ESR1: variants seen among roughly 807,000 people sequenced by gnomAD.
ESR1 encodes estrogen receptor 1, also known as estrogen receptor.
In ESR1, 12 loss-of-function variants were observed where a neutral mutation model predicts 52.7. That is an observed-to-expected ratio of 0.23 (90% CI 0.15 to 0.37). The LOEUF is 0.37. Ranked by LOEUF, ESR1 falls within the 10% of genes least tolerant of loss-of-function variation. The probability of loss-of-function intolerance (pLI) is 1.00; values close to 1 mark genes in which losing one functional copy is unlikely to be tolerated. For missense variants in ESR1, 584 were observed against 779.7 expected (o/e 0.75, Z 2.99); for synonymous variants, 305 against 316.8 (o/e 0.96, Z 0.39).
intron 2 of ESR1, among the ~76,000 whole-genome samples, chr6:151,764,053 G>A (rs1279368049): frequency 6.6e-6 from 1 of 152,118 alleles, no homozygotes; most frequent in Non-Finnish European, 1.5e-5. Flanking sequence ...AGCAAAGCGC[G>A]GGGGTGTGGC....
chr6:152,062,437 C>T (rs906765672), intron 6 of ESR1, among the ~76,000 whole-genome samples: 2 of 152,200 alleles, frequency 1.3e-5, no homozygotes, highest in Admixed American at 6.5e-5. Flanking sequence ...GAAATCTGTA[C>T]TATTACACTA....
chr6:151,820,001 G>A (rs1780305339), intron 1 of ESR1, among the ~76,000 whole-genome samples: 1 of 152,186 alleles, frequency 6.6e-6, no homozygotes, highest in African/African-American at 2.4e-5. Context: ...ATGGTTGAGT[G>A]AGGGAGATGA....
chr6:151,927,703 T>G (rs1174408659), intron 3 of ESR1, among the ~76,000 whole-genome samples: 3 of 151,872 alleles, frequency 2.0e-5, no homozygotes, highest in Non-Finnish European at 2.9e-5. Flanking sequence ...TTTATGATAT[T>G]GGTAATTTAT....
chr6:152,088,561 GGGTTAATGGATCAA>G lies in ESR1; in HGVS notation c.1370-5823_1370-5810del. ...TGGTTGAAACCATTCACGGAATAACGGGTTAATGGATCAATGAGTTATCCCAGGAGTGGGACTGG... is the reference window on the plus strand; with the variant it reads ...TGGTTGAAACCATTCACGGAATAACGTGAGTTATCCCAGGAGTGGGACTGG... On this transcript the variant is annotated intron_variant, in intron 6 of 7. Transcript: ENST00000206249. Among the ~76,000 whole-genome samples the G allele has an allele frequency of 3.3e-5, 5 of 152,272 alleles. No homozygotes were observed. In the East Asian group the frequency reaches 9.6e-4, roughly 29 times the overall value.
intron 6 of ESR1, among the ~76,000 whole-genome samples, chr6:152,072,941 A>G (rs569560230): frequency 6.6e-6 from 1 of 152,352 alleles, no homozygotes; most frequent in East Asian, 1.9e-4. Context: ...AGCACCTTCT[A>G]GAAAAATCTT....
At chr6:151,900,048 G>C (rs1021332632) in intron 3 of ESR1, among the ~76,000 whole-genome samples, 5 of 152,236 alleles carry the variant, frequency 3.3e-5, no homozygotes, top group African/African-American at 1.2e-4. Flanking sequence ...GCAGGCTGCT[G>C]GGAGGTGGAG....
At chr6:151,987,854 T>C (rs1468949724) in intron 4 of ESR1, among the ~76,000 whole-genome samples, 1 of 152,188 alleles carries the variant, frequency 6.6e-6, no homozygotes, top group Admixed American at 6.5e-5. Flanking sequence ...CTTTTAACTT[T>C]TAAGCATCTA....
intron 2 of ESR1, among the ~76,000 whole-genome samples, chr6:151,864,414 T>G (rs1247639868): frequency 6.6e-6 from 1 of 151,920 alleles, no homozygotes; most frequent in African/African-American, 2.4e-5. Context: ...GTTAGAATGG[T>G]GATCATTAGA....
At chr6:151,964,878 G>A (rs563617536) in intron 4 of ESR1, among the ~76,000 whole-genome samples, 3 of 152,158 alleles carry the variant, frequency 2.0e-5, no homozygotes, top group African/African-American at 4.8e-5. Context: ...TCCTGACCTC[G>A]TGATCCACCC....
At chr6:152,033,234 AG>A (rs1355707117) in intron 5 of ESR1, among the ~76,000 whole-genome samples, 3 of 152,194 alleles carry the variant, frequency 2.0e-5, no homozygotes, top group African/African-American at 7.2e-5. Flanking sequence ...GGCATGGGCA[AG>A]GACTTCATGT....
rs2050885704 is a variant in ESR1, at chr6:152,099,499, A to G, written c.*533A>G. On this transcript the variant is annotated 3_prime_UTR_variant, in exon 8 of 8. Coordinates refer to ENST00000206249, the MANE Select transcript of ESR1 (RefSeq NM_000125.4). ...TCCTTTTATGAAAGTGGTACACCTT[A>G]AAGCTTTTATATGACTGTAGCAGAG... is the stretch of plus-strand genomic sequence containing the variant. 3 of 264,764 alleles carry G rather than the reference A, an allele frequency of 1.1e-5. No homozygotes were observed. Among genetic ancestry groups the G allele is most frequent in the Non-Finnish European group, 1.5e-5 (2 of 135,682 alleles). 16.4% of individuals were successfully genotyped at this position (264,764 alleles called of 1,614,324 possible).
In ESR1 at chr6:152,044,573, G is replaced by A. The variant is rs547230164; in HGVS notation, c.1236-16418G>A. On this transcript the variant is annotated intron_variant, in intron 5 of 7. Transcript: ENST00000206249. ...CAAAACTAGGGAAGCCGACAGTGCG[G>A]CCTTCAGTCTCTGGCTGACAGCCTG... Among the ~76,000 whole-genome samples the A allele has an allele frequency of 3.4e-3, 413 of 121,768 alleles. 1 individual carries two copies. Among genetic ancestry groups the A allele is most frequent in the Non-Finnish European group, 5.1e-3 (310 of 60,402 alleles). The allele number at this position is 121,768 out of a possible 152,430, so 79.9% of individuals were successfully genotyped here.
chr6:151,947,825 A>G (rs2035878519), intron 4 of ESR1, among the ~76,000 whole-genome samples: 1 of 151,864 alleles, frequency 6.6e-6, no homozygotes, highest in Non-Finnish European at 1.5e-5. Flanking sequence ...CAACAGTAGC[A>G]ACAAGAATGA....
At chr6:151,746,062 TAA>T (rs1241574918) in intron 2 of ESR1, among the ~76,000 whole-genome samples, 2 of 152,224 alleles carry the variant, frequency 1.3e-5, no homozygotes, top group Non-Finnish European at 2.9e-5. Context: ...CAGGGCTGAA[TAA>T]TACTCCATTT....
At position 152,080,027 on chromosome 6, in the gene ESR1, G is replaced by T. The variant is rs185895989; in HGVS notation, c.1370-14358G>T. The stretch of plus-strand genomic sequence containing the variant: ...CAAATATATGTTTCATTGGTGTACT[G>T]GGAAGTGATGGGGAGAATGGAACCA... On this transcript the variant is annotated intron_variant, in intron 6 of 7. Transcript: ENST00000206249. Among the ~76,000 whole-genome samples the T allele has an allele frequency of 2.0e-5, 3 of 152,264 alleles. No individual in the cohort carries two copies. In the East Asian group the frequency reaches 5.8e-4, roughly 29 times the overall value.
At chr6:151,710,679 C>T (rs555273435) in intron 2 of ESR1, among the ~76,000 whole-genome samples, 375 of 152,222 alleles carry the variant, frequency 2.5e-3, no homozygotes, top group Middle Eastern at 6.8e-3. Flanking sequence ...CCCATCAACC[C>T]GTCATCTACA....
upstream of ESR1, among the ~76,000 whole-genome samples, chr6:151,686,081 T>TA (rs1299369557): frequency 1.3e-4 from 19 of 147,740 alleles, no homozygotes; most frequent in Non-Finnish European, 2.8e-4. Flanking sequence ...TTTTTTTTTT[T>TA]TTTTTTTATT....
chr6:152,113,384 G>A (rs755468628), intron 6 of ESR1, among the ~76,000 whole-genome samples: 4 of 152,184 alleles, frequency 2.6e-5, no homozygotes, highest in Non-Finnish European at 4.4e-5. Flanking sequence ...TGGGGCGGGG[G>A]GCACCTGGAA....
chr6:151,669,189 A>AGAGAGAGAGAGAGAGAGAGAG (rs774737323), intron 1 of ESR1, among the ~76,000 whole-genome samples: 4 of 87,114 alleles, frequency 4.6e-5, no homozygotes, highest in African/African-American at 1.1e-4. Context: ...AGAGAGAGAG[A>AGAGAGAGAGAGAGAGAGAGAG]TGGGAATCCA....
Sources: gnomAD v4.1 joint callset for allele counts (sites outside exome capture counted in the v4.1 genomes callset) on GRCh38, gnomAD v4.1.1 for gene constraint, MANE v1.5 for transcripts, NCBI Gene and HGNC (gene_info 2026-07-23, HGNC 2026-07-21) for gene names.